Variants in RCAN1 observed in about 807,000 individuals in gnomAD.
The protein encoded by RCAN1 is regulator of calcineurin 1, also known as calcipressin-1.
A neutral mutation model predicts 22.9 loss-of-function variants in RCAN1; 11 were observed. The ratio of observed to expected loss-of-function variants is 0.48; its 90% confidence interval spans 0.30 to 0.79. The LOEUF is 0.79. Among genes scored for constraint, RCAN1 ranks in the 30% least tolerant of loss-of-function variants. RCAN1 has a pLI of 0.06. For missense variants in RCAN1, 291 were observed against 337.8 expected (o/e 0.86, Z 1.09); for synonymous variants, 136 against 142.3 (o/e 0.96, Z 0.32).
intron 1 of RCAN1, chr21:34,526,904 A>G (rs559515046): frequency 6.9e-7 from 1 of 1,448,440 alleles, no homozygotes; most frequent in African/African-American, 1.5e-5. Flanking sequence ...TGCAGCTTCC[A>G]CAGCATCCTG....
At chr21:34,543,263 A>G (rs1012468696) in intron 1 of RCAN1, among the ~76,000 whole-genome samples, 1 of 152,166 alleles carries the variant, frequency 6.6e-6, no homozygotes, top group African/African-American at 2.4e-5. Context: ...GGATCTTGAG[A>G]CTAGGAGATG....
chr21:34,532,958 A>G (rs1985471769), intron 1 of RCAN1, among the ~76,000 whole-genome samples: 1 of 128,448 alleles, frequency 7.8e-6, no homozygotes, highest in South Asian at 2.5e-4. Flanking sequence ...AAAAAACAAA[A>G]TAAACTTTTT....
At chr21:34,577,196 C>T (rs184839306) in intron 1 of RCAN1, among the ~76,000 whole-genome samples, 141 of 152,282 alleles carry the variant, frequency 9.3e-4, no homozygotes, top group Non-Finnish European at 1.7e-3. Context: ...AAATGAGAGG[C>T]CTTATTCACA....
At chr21:34,586,611 A>C (rs1285431697) in intron 1 of RCAN1, among the ~76,000 whole-genome samples, 4 of 152,240 alleles carry the variant, frequency 2.6e-5, no homozygotes, top group Admixed American at 6.5e-5. Flanking sequence ...AATGATTTAC[A>C]TATTGATCTT....
chr21:34,526,197 G>A (rs564430290), intron 1 of RCAN1, among the ~76,000 whole-genome samples: 4 of 152,156 alleles, frequency 2.6e-5, no homozygotes, highest in African/African-American at 7.2e-5. Flanking sequence ...TTGCTCTGGC[G>A]GCATTTTCTC....
chr21:34,604,808 C>T (rs2123730606), intron 1 of RCAN1, among the ~76,000 whole-genome samples: 1 of 152,282 alleles, frequency 6.6e-6, no homozygotes. Flanking sequence ...GCCTGGGGCC[C>T]CACAGCTGGT....
At chr21:34,519,053 G>A (rs1256193268) in intron 3 of RCAN1, among the ~76,000 whole-genome samples, 5 of 152,164 alleles carry the variant, frequency 3.3e-5, no homozygotes, top group African/African-American at 1.2e-4. Flanking sequence ...TAGTACCCAG[G>A]GCTCATGGGC....
chr21:34,522,987 G>A (rs1984700721), intron 2 of RCAN1: 1 of 152,286 alleles, frequency 6.6e-6, no homozygotes, highest in African/African-American at 2.4e-5. Flanking sequence ...CTGGGGCTGG[G>A]AACCCTGCCA....
chr21:34,523,333 C>T (rs1428659856), intron 2 of RCAN1, among the ~76,000 whole-genome samples: 4 of 152,160 alleles, frequency 2.6e-5, no homozygotes, highest in African/African-American at 4.8e-5. Flanking sequence ...AGGTCAGGGG[C>T]AATGTCTGAG....
intron 1 of RCAN1, among the ~76,000 whole-genome samples, chr21:34,593,199 C>A (rs770627522): frequency 3.3e-5 from 5 of 152,148 alleles, no homozygotes; most frequent in Non-Finnish European, 5.9e-5. Context: ...ACAGGAAAAA[C>A]CTGATCACAG....
intron 1 of RCAN1, among the ~76,000 whole-genome samples, chr21:34,600,024 A>C (rs1157443891): frequency 6.6e-6 from 1 of 152,148 alleles, no homozygotes; most frequent in East Asian, 1.9e-4. Context: ...CTGAACCTAA[A>C]GCACGAGAAC....
At chr21:34,579,561 T>C (rs1987532612) in intron 1 of RCAN1, among the ~76,000 whole-genome samples, 2 of 152,182 alleles carry the variant, frequency 1.3e-5, no homozygotes, top group Admixed American at 6.5e-5. Context: ...CTGCCTTCCA[T>C]CTCTAGCAAT....
intron 1 of RCAN1, among the ~76,000 whole-genome samples, chr21:34,557,144 C>T (rs1192225847): frequency 2.0e-5 from 3 of 152,002 alleles, no homozygotes; most frequent in Non-Finnish European, 4.4e-5. Context: ...ACCCGGGAGG[C>T]GGAGGTTGCA....
chr21:34,567,305 G>A lies in RCAN1; in HGVS notation c.253-43595C>T, dbSNP rs117870701. Reference sequence around the variant, plus strand: ...GGTCAGGAGAATCGAGACCATCCAGGCTAACATGGTGAAACCCTATCTCTA... The same window carrying A: ...GGTCAGGAGAATCGAGACCATCCAGACTAACATGGTGAAACCCTATCTCTA... On this transcript the variant is annotated intron_variant, in intron 1 of 3. Transcript: ENST00000313806. Among the ~76,000 whole-genome samples the A allele has an allele frequency of 7.9e-3, 1,206 of 152,262 alleles. 45 individuals are homozygous for A. The East Asian group carries it at 0.09, about 11-fold the overall frequency.
chr21:34,606,290 C>T (rs1401217177), intron 1 of RCAN1, among the ~76,000 whole-genome samples: 4 of 152,142 alleles, frequency 2.6e-5, no homozygotes, highest in African/African-American at 7.2e-5. Context: ...CAGCCTCTGC[C>T]GCTTGGCAGA....
At chr21:34,533,852 GGGGAACAGCATTCTGGCCCA>G (rs962968220) in intron 1 of RCAN1, among the ~76,000 whole-genome samples, 16 of 152,342 alleles carry the variant, frequency 1.1e-4, no homozygotes, top group African/African-American at 3.4e-4. Flanking sequence ...GTTGGATGCT[GGGGAACAGCATTCTGGCCCA>G]GGGAACAGCA....
intron 1 of RCAN1, among the ~76,000 whole-genome samples, chr21:34,583,919 A>G (rs1987706721): frequency 6.6e-6 from 1 of 151,750 alleles, no homozygotes; most frequent in Non-Finnish European, 1.5e-5. Flanking sequence ...CACACACACA[A>G]TTTATTATTA....
chr21:34,558,848 C>T (rs78984165), intron 1 of RCAN1, among the ~76,000 whole-genome samples: 12,991 of 152,106 alleles, frequency 0.085, 578 homozygotes, highest in African/African-American at 0.11. Flanking sequence ...CCCTGGGCTC[C>T]AATGCTCCAA....
At chr21:34,538,511 G>A (rs1313871461) in intron 1 of RCAN1, among the ~76,000 whole-genome samples, 1 of 152,120 alleles carries the variant, frequency 6.6e-6, no homozygotes, top group Non-Finnish European at 1.5e-5. Flanking sequence ...TCCACTCCCC[G>A]CCATGGGTAC....
Sources: allele counts gnomAD v4.1 joint callset (sites outside exome capture counted in the v4.1 genomes callset), GRCh38; gene constraint gnomAD v4.1.1; transcripts MANE v1.5; gene names NCBI Gene and HGNC (gene_info 2026-07-23, HGNC 2026-07-21).